BORCS5: variants seen among roughly 807,000 people sequenced by gnomAD.
BORCS5 encodes the protein BLOC-1 related complex subunit 5.
BORCS5 carries 17 observed loss-of-function variants against 22.1 expected under a neutral mutation model. That is an observed-to-expected ratio of 0.77 (90% CI 0.53 to 1.15). The LOEUF is 1.15. BORCS5 is among the 50% of genes most tolerant of loss of function. The pLI is 0.00. For synonymous variants in BORCS5, 117 were observed against 99.8 expected, an observed-to-expected ratio of 1.17 and a Z score of -1.03; for missense variants, 247 against 253.2, an observed-to-expected ratio of 0.98 and a Z score of 0.17.
intron 2 of BORCS5, among the ~76,000 whole-genome samples, chr12:12,385,161 T>C (rs2136049182): frequency 6.6e-6 from 1 of 151,638 alleles, no homozygotes; most frequent in South Asian, 2.1e-4. Context: ...ACCCTCAGTG[T>C]CAGCTAGGAG....
intron 2 of BORCS5, among the ~76,000 whole-genome samples, chr12:12,395,435 A>ATTTTTTTTTTTTTTTT (rs59277387): frequency 1.9e-5 from 2 of 107,858 alleles, no homozygotes; most frequent in African/African-American, 4.1e-5. Flanking sequence ...CACCCAGCTA[A>ATTTTTTTTTTTTTTTT]TTTTTTTTTT....
intron 2 of BORCS5, among the ~76,000 whole-genome samples, chr12:12,399,590 C>T (rs1941423560): frequency 6.6e-6 from 1 of 152,188 alleles, no homozygotes; most frequent in Non-Finnish European, 1.5e-5. Flanking sequence ...GTTAAGCTTA[C>T]AATGTTGGCA....
At chr12:12,420,704 G>A (rs1403995279) in intron 2 of BORCS5, among the ~76,000 whole-genome samples, 1 of 152,042 alleles carries the variant, frequency 6.6e-6, no homozygotes, top group African/African-American at 2.4e-5. Flanking sequence ...ATTTGTTTGT[G>A]TCCTCTTTTA....
chr12:12,418,074 A>T (rs1239084393), intron 2 of BORCS5, among the ~76,000 whole-genome samples: 1 of 150,996 alleles, frequency 6.6e-6, no homozygotes, highest in Non-Finnish European at 1.5e-5. Flanking sequence ...CCCAGGCTGG[A>T]GTGCAGTGAC....
chr12:12,372,287 G>T (rs192656293), intron 2 of BORCS5, among the ~76,000 whole-genome samples: 3 of 152,218 alleles, frequency 2.0e-5, no homozygotes, highest in Non-Finnish European at 4.4e-5. Context: ...TGATCCACCT[G>T]CCTCGGCTTC....
intron 2 of BORCS5, among the ~76,000 whole-genome samples, chr12:12,381,532 T>G (rs1158086867): frequency 6.6e-6 from 1 of 151,522 alleles, no homozygotes; most frequent in Admixed American, 6.6e-5. Flanking sequence ...TTCTGGACTC[T>G]TAGGTCTGTT....
At chr12:12,448,209 T>TTTTA (rs1005376825) in intron 3 of BORCS5, among the ~76,000 whole-genome samples, 2 of 152,064 alleles carry the variant, frequency 1.3e-5, no homozygotes, top group Non-Finnish European at 2.9e-5. Context: ...ATTCTTTTAT[T>TTTTA]TTTATTTATT....
intron 2 of BORCS5, among the ~76,000 whole-genome samples, chr12:12,386,937 C>T (rs1054028505): frequency 6.6e-6 from 1 of 150,940 alleles, no homozygotes; most frequent in Admixed American, 6.6e-5. Flanking sequence ...AATCATAGCT[C>T]ACTGTAACCT....
rs1032467635 is a variant in BORCS5 at position 12,387,755 on chromosome 12, A to C, written c.202+26406A>C. Among the ~76,000 whole-genome samples, 11 of 151,246 alleles carry C rather than the reference A, an allele frequency of 7.3e-5. 1 individual carries two copies. Among genetic ancestry groups the C allele is most frequent in the African/African-American group, 2.7e-4 (11 of 41,120 alleles). ...TTCACATGTGCTGACATTAAGCCAC[A>C]CCTCCCCCATCCTGTATTTCTGCAG... is the stretch of plus-strand genomic sequence containing the variant. On this transcript the variant is annotated intron_variant, in intron 2 of 3. Transcript: ENST00000314565.
intron 2 of BORCS5, among the ~76,000 whole-genome samples, chr12:12,427,000 G>A (rs139026522): frequency 5.4e-4 from 82 of 152,106 alleles, no homozygotes; most frequent in African/African-American, 1.8e-3. Context: ...GACTGCCGTT[G>A]CCCCCTCGAG....
At position 12,357,368 on chromosome 12, in the gene BORCS5, G is replaced by C; in HGVS notation, c.-84G>C. The C allele has an allele frequency of 6.5e-7, 1 of 1,539,492 alleles. No individual in the cohort carries two copies. The highest frequency in any genetic ancestry group is 8.8e-7 in the Non-Finnish European group (1 of 1,137,842). On this transcript the variant is annotated 5_prime_UTR_variant, in exon 1 of 4. Transcript: ENST00000314565. ...GACTCTGCTTTGCCTCCCCGTCCCG[G>C]TCCCTGGCCCCTGCCCTGTCGCCCG...
At chr12:12,452,482 G>T in intron 3 of BORCS5, 1 of 478,088 alleles carries the variant, frequency 2.1e-6, no homozygotes, top group Non-Finnish European at 4.3e-6. Context: ...CGCCTTGATC[G>T]TGGCTGGGTC....
At chr12:12,435,070 T>G (rs1942525358) in intron 2 of BORCS5, among the ~76,000 whole-genome samples, 1 of 152,252 alleles carries the variant, frequency 6.6e-6, no homozygotes, top group Admixed American at 6.5e-5. Flanking sequence ...AAAGAAAATG[T>G]AAAGAATGAG....
chr12:12,440,366 CT>C (rs1353939843), intron 3 of BORCS5, among the ~76,000 whole-genome samples: 2 of 152,186 alleles, frequency 1.3e-5, no homozygotes, highest in African/African-American at 2.4e-5. Flanking sequence ...TCAGCCAGCA[CT>C]GTTGAGCAGC....
At chr12:12,391,201 A>T (rs544708721) in intron 2 of BORCS5, among the ~76,000 whole-genome samples, 87 of 152,216 alleles carry the variant, frequency 5.7e-4, no homozygotes, top group African/African-American at 2.0e-3. Flanking sequence ...CCTCAACCTT[A>T]CTCAAGATCA....
At chr12:12,395,296 GTCTC>G (rs1337600874) in intron 2 of BORCS5, among the ~76,000 whole-genome samples, 22 of 151,710 alleles carry the variant, frequency 1.5e-4, no homozygotes, top group Non-Finnish European at 2.2e-4. Context: ...TTGAGAAAGA[GTCTC>G]TCTCTGTCAC....
At chr12:12,442,387 T>C (rs1387693308) in intron 3 of BORCS5, among the ~76,000 whole-genome samples, 1 of 152,274 alleles carries the variant, frequency 6.6e-6, no homozygotes, top group African/African-American at 2.4e-5. Flanking sequence ...TTTATTTTGT[T>C]ACAGTTCCTG....
At chr12:12,464,145 G>C (rs1592146577) in intron 3 of BORCS5, among the ~76,000 whole-genome samples, 2 of 151,986 alleles carry the variant, frequency 1.3e-5, no homozygotes, top group Middle Eastern at 3.4e-3. Flanking sequence ...CAGGGCTGCA[G>C]AGAACCCCGG....
chr12:12,449,905 C>G (rs1487037283), intron 3 of BORCS5, among the ~76,000 whole-genome samples: 1 of 152,200 alleles, frequency 6.6e-6, no homozygotes, highest in Non-Finnish European at 1.5e-5. Context: ...CACTGCAGAT[C>G]CAGGCTCACC....
Sources: gnomAD v4.1 joint callset for allele counts (sites outside exome capture counted in the v4.1 genomes callset) on GRCh38, gnomAD v4.1.1 for gene constraint, MANE v1.5 for transcripts, NCBI Gene and HGNC (gene_info 2026-07-23, HGNC 2026-07-21) for gene names.